Variants in PALM2AKAP2 observed in about 807,000 individuals in gnomAD.
PALM2AKAP2 encodes the protein PALM2 and AKAP2 fusion, also known as PALM2-AKAP2 fusion protein.
In PALM2AKAP2, 37 loss-of-function variants were observed where a neutral mutation model predicts 71.5. The ratio of observed to expected loss-of-function variants is 0.52; its 90% CI spans 0.40 to 0.68. The LOEUF is 0.68. Among genes scored for constraint, PALM2AKAP2 ranks in the 30% least tolerant of loss-of-function variants. The pLI is 0.00. For synonymous variants in PALM2AKAP2, 468 were observed against 478.8 expected (o/e 0.98, Z 0.29); for missense variants, 1,224 against 1,191.8 (o/e 1.03, Z -0.40).
At chr9:109,975,734 G>C (rs1832160451) in intron 6 of PALM2AKAP2, among the ~76,000 whole-genome samples, 1 of 152,160 alleles carries the variant, frequency 6.6e-6, no homozygotes, top group African/African-American at 2.4e-5. Context: ...TCAGCCCGAG[G>C]GTTATGGGCA....
intron 1 of PALM2AKAP2, among the ~76,000 whole-genome samples, chr9:110,135,152 C>CAAAAAAAAAAAAAAAAAAA (rs1198538795): frequency 7.4e-5 from 2 of 27,030 alleles, no homozygotes; most frequent in African/African-American, 3.0e-4. Flanking sequence ...TCTGTCTCTA[C>CAAAAAAAAAAAAAAAAAAA]AAAAAAAAAA....
intron 1 of PALM2AKAP2, among the ~76,000 whole-genome samples, chr9:109,825,739 A>G (rs980508063): frequency 6.6e-6 from 1 of 152,214 alleles, no homozygotes; most frequent in African/African-American, 2.4e-5. Flanking sequence ...GATGTGAAGA[A>G]ATAGGAACAC....
chr9:109,698,272 ATTTTTTTTTTTT>A (rs774359983), intron 1 of PALM2AKAP2, among the ~76,000 whole-genome samples: 10 of 118,566 alleles, frequency 8.4e-5, no homozygotes, highest in African/African-American at 2.1e-4. Flanking sequence ...TGTGTGCTAC[ATTTTTTTTTTTT>A]TTTTTTTTTT....
intron 3 of PALM2AKAP2, 98 bp downstream of exon 10, chr9:110,162,230 A>G: frequency 2.0e-6 from 3 of 1,530,266 alleles, no homozygotes; most frequent in Non-Finnish European, 2.7e-6. Context: ...CGAAAATGGC[A>G]AGAAAAATGA....
intron 1 of PALM2AKAP2, among the ~76,000 whole-genome samples, chr9:109,647,837 G>A (rs1827174954): frequency 6.6e-6 from 1 of 152,180 alleles, no homozygotes. Flanking sequence ...TTGTTTTACA[G>A]TTCATCAAAT....
At chr9:110,045,672 A>G (rs1423527579), upstream of PALM2AKAP2, among the ~76,000 whole-genome samples, 2 of 152,048 alleles carry the variant, frequency 1.3e-5, no homozygotes, top group Admixed American at 1.3e-4. Flanking sequence ...TGTTCAAGCG[A>G]TTCTCCTGCC....
At chr9:110,047,806 AG>A (rs1355416162), upstream of PALM2AKAP2, among the ~76,000 whole-genome samples, 1 of 152,192 alleles carries the variant, frequency 6.6e-6, no homozygotes, top group East Asian at 1.9e-4. Context: ...GTCCTCTCTC[AG>A]GATTTCTAGA....
At chr9:110,088,703 G>GT (rs71373964) in intron 1 of PALM2AKAP2, among the ~76,000 whole-genome samples, 3,005 of 75,142 alleles carry the variant, frequency 0.04, 525 homozygotes, top group East Asian at 0.077. Flanking sequence ...GCATTTACGT[G>GT]TTTTTTTTTT....
intron 1 of PALM2AKAP2, among the ~76,000 whole-genome samples, chr9:109,800,745 G>A (rs2131397349): frequency 6.6e-6 from 1 of 152,296 alleles, no homozygotes; most frequent in Admixed American, 6.5e-5. Context: ...GTTTGTTGTT[G>A]TTTATTTCTA....
intron 7 of PALM2AKAP2, among the ~76,000 whole-genome samples, chr9:110,020,606 C>A (rs1405104922): frequency 1.3e-5 from 2 of 151,882 alleles, no homozygotes; most frequent in African/African-American, 4.8e-5. Context: ...TTGCTTAAAC[C>A]CAGGAGGTGG....
chr9:109,848,742 G>A (rs184554812), intron 1 of PALM2AKAP2, among the ~76,000 whole-genome samples: 13 of 147,878 alleles, frequency 8.8e-5, no homozygotes, highest in Admixed American at 2.0e-4. Flanking sequence ...AGGAGTTTGA[G>A]ATGAACCTGG....
At chr9:110,113,674 G>A (rs548835378) in intron 1 of PALM2AKAP2, among the ~76,000 whole-genome samples, 1 of 152,014 alleles carries the variant, frequency 6.6e-6, no homozygotes, top group Non-Finnish European at 1.5e-5. Context: ...TGGGATTACA[G>A]GCGCCTGCCA....
intron 1 of PALM2AKAP2, among the ~76,000 whole-genome samples, chr9:110,099,402 A>G (rs1338279183): frequency 6.6e-6 from 1 of 152,212 alleles, no homozygotes; most frequent in East Asian, 1.9e-4. Context: ...TGAAATTGCT[A>G]TCAGGAAAAA....
intron 1 of PALM2AKAP2, among the ~76,000 whole-genome samples, chr9:109,786,415 A>C (rs1826969462): frequency 6.6e-6 from 1 of 152,242 alleles, no homozygotes; most frequent in Non-Finnish European, 1.5e-5. Flanking sequence ...TGTTATTGGT[A>C]TGCAGCTGTC....
intron 6 of PALM2AKAP2, among the ~76,000 whole-genome samples, chr9:109,983,780 G>A (rs1388793023): frequency 2.0e-5 from 3 of 151,776 alleles, no homozygotes; most frequent in Non-Finnish European, 2.9e-5. Flanking sequence ...CATGAGAATC[G>A]CTGGAACATG....
At chr9:110,059,199 C>T (rs889913651) in intron 1 of PALM2AKAP2, among the ~76,000 whole-genome samples, 9 of 152,214 alleles carry the variant, frequency 5.9e-5, no homozygotes, top group East Asian at 3.9e-4. Flanking sequence ...CGCGCCCAGC[C>T]GATGGAAAAT....
intron 1 of PALM2AKAP2, among the ~76,000 whole-genome samples, chr9:110,057,778 G>C (rs1833878179): frequency 6.6e-6 from 1 of 152,174 alleles, no homozygotes; most frequent in South Asian, 2.1e-4. Flanking sequence ...GTTAAAACTA[G>C]AGTATCCTGA....
intron 1 of PALM2AKAP2, among the ~76,000 whole-genome samples, chr9:110,064,324 T>C (rs1444862305): frequency 4.6e-5 from 7 of 152,128 alleles, no homozygotes; most frequent in African/African-American, 7.2e-5. Flanking sequence ...AATCCCCTAG[T>C]AGTGTGTATG....
intron 6 of PALM2AKAP2, among the ~76,000 whole-genome samples, chr9:109,989,414 A>G (rs1392208348): frequency 6.6e-6 from 1 of 152,058 alleles, no homozygotes; most frequent in African/African-American, 2.4e-5. Context: ...GCTTTCTGCT[A>G]CTCAAAAGTT....
Sources: allele counts gnomAD v4.1 joint callset (sites outside exome capture counted in the v4.1 genomes callset), GRCh38; gene constraint gnomAD v4.1.1; transcripts MANE v1.5; gene names NCBI Gene and HGNC (gene_info 2026-07-23, HGNC 2026-07-21).